LMLN: variants seen among roughly 807,000 people sequenced by gnomAD.
LMLN encodes leishmanolysin-like peptidase.
In LMLN, 70 loss-of-function variants were observed where a neutral mutation model predicts 92.3. That is an observed-to-expected ratio of 0.76 (90% CI 0.63 to 0.92). LMLN has a LOEUF of 0.92. LMLN is among the 40% of genes least tolerant of loss of function. The probability of loss-of-function intolerance (pLI) is 0.00; values close to 1 mark genes in which losing one functional copy is unlikely to be tolerated. For synonymous variants in LMLN, 308 were observed against 296.2 expected (o/e 1.04, Z -0.41); for missense variants, 691 against 814.6 (o/e 0.85, Z 1.85).
rs182473108 is a variant in LMLN at position 197,962,640 on chromosome 3, T to G, written c.219+2200T>G. ...TATCCTCACCAACAGATGTCCTTTC[T>G]AAGAAATCTTTAAATACCCCCTAGG... On this transcript the variant is annotated intron_variant, in intron 1 of 15. Transcript: ENST00000330198. 3.3e-5 allele frequency among the ~76,000 whole-genome samples: 5 copies of G among 152,346 alleles called. No homozygotes were observed. In the East Asian group the frequency reaches 9.6e-4, roughly 29 times the overall value.
At chr3:197,967,172 C>T (rs919526551) in intron 1 of LMLN, among the ~76,000 whole-genome samples, 2 of 151,960 alleles carry the variant, frequency 1.3e-5, no homozygotes, top group Non-Finnish European at 2.9e-5. Context: ...GGTTTTTTAC[C>T]AACTACCTGC....
intron 1 of LMLN, among the ~76,000 whole-genome samples, chr3:197,963,054 G>A (rs1321582070): frequency 2.6e-5 from 4 of 152,098 alleles, no homozygotes; most frequent in African/African-American, 9.7e-5. Flanking sequence ...CTCTATAGAT[G>A]ATTTGGAGAT....
Position 198,020,768 on chromosome 3 carries a change from A to ATTTTTT in LMLN, c.1366-651_1366-646dup, listed in dbSNP as rs71166715. Among the ~76,000 whole-genome samples the ATTTTTT allele has an allele frequency of 1.2e-3, 39 of 32,874 alleles. 2 individuals carry two copies. The highest frequency in any genetic ancestry group is 3.4e-3 in the East Asian group (3 of 882). The allele number at this position is 32,874 out of a possible 152,430, so 21.6% of individuals were successfully genotyped here. ...GCCACCACACCCAGCTAATTTTTGT[A>ATTTTTT]TTTTTTTTTTTTTTTTTTTTTTTTT... On this transcript the variant is annotated intron_variant, in intron 12 of 15. Coordinates refer to ENST00000330198, the Ensembl canonical transcript of LMLN.
At chr3:197,965,692 T>C (rs1721039002) in intron 1 of LMLN, among the ~76,000 whole-genome samples, 1 of 152,162 alleles carries the variant, frequency 6.6e-6, no homozygotes, top group African/African-American at 2.4e-5. Flanking sequence ...GGATGGCAAA[T>C]CGCTTGAGCT....
chr3:198,006,496 C>A lies in LMLN; in HGVS notation c.1232+7154C>A, dbSNP rs562272301. Reference sequence around the variant, plus strand: ...TTTAGTTTTGTAAGAAAATGCCAAACTTTTTAATTCCTGACAGTGACGTGT... The same window carrying A: ...TTTAGTTTTGTAAGAAAATGCCAAAATTTTTAATTCCTGACAGTGACGTGT... On this transcript the variant is annotated intron_variant, in intron 11 of 15. Coordinates refer to ENST00000330198, the Ensembl canonical transcript of LMLN. Among the ~76,000 whole-genome samples, 6 of 152,324 alleles carry A rather than the reference C, an allele frequency of 3.9e-5. No individual in the cohort carries two copies. The South Asian group carries it at 1.2e-3, about 32-fold the overall frequency.
chr3:197,975,036 T>A lies in LMLN; in HGVS notation c.318-6T>A. On this transcript the variant is annotated splice_polypyrimidine_tract_variant and splice_region_variant and intron_variant, in intron 2 of 15. Transcript: ENST00000330198. ...AATCCTTATGTTTTTATGTCATTAT[T>A]TTCAGGTTGCTCCCTGAGAAAAAGA... The A allele has an allele frequency of 6.8e-7, 1 of 1,475,524 alleles. No individual in the cohort carries two copies. Among genetic ancestry groups the A allele is most frequent in the Non-Finnish European group, 9.4e-7 (1 of 1,059,582 alleles). The allele number at this position is 1,475,524 out of a possible 1,614,324, so 91.4% of individuals were successfully genotyped here.
At chr3:197,992,425 G>T (rs1382287608) in intron 9 of LMLN, among the ~76,000 whole-genome samples, 1 of 152,122 alleles carries the variant, frequency 6.6e-6, no homozygotes, top group Non-Finnish European at 1.5e-5. Flanking sequence ...CTAAGAAGAT[G>T]CAAATAACAT....
chr3:197,996,975 T>C (rs982313640), intron 10 of LMLN, among the ~76,000 whole-genome samples: 10 of 151,916 alleles, frequency 6.6e-5, no homozygotes, highest in African/African-American at 2.4e-4. Context: ...CGTTCGTTTG[T>C]TCGTTCTTTT....
intron 5 of LMLN, among the ~76,000 whole-genome samples, chr3:197,979,544 G>A (rs905406756): frequency 1.8e-4 from 28 of 152,064 alleles, no homozygotes; most frequent in Admixed American, 8.5e-4. Flanking sequence ...TAGGCTGGGT[G>A]CAGTGGCTCA....
chr3:197,981,196 A>T (rs957363177), intron 6 of LMLN, among the ~76,000 whole-genome samples: 2 of 149,714 alleles, frequency 1.3e-5, no homozygotes, highest in Admixed American at 1.3e-4. Flanking sequence ...TCATGGTGAA[A>T]CTCTGTCTCT....
chr3:197,984,677 A>C (rs2109872381), intron 7 of LMLN, among the ~76,000 whole-genome samples: 1 of 150,184 alleles, frequency 6.7e-6, no homozygotes, highest in Non-Finnish European at 1.5e-5. Context: ...TCAAACTCCT[A>C]GGCTCAAGTG....
intron 1 of LMLN, among the ~76,000 whole-genome samples, chr3:197,962,095 G>A (rs1720919126): frequency 6.6e-6 from 1 of 151,980 alleles, no homozygotes; most frequent in East Asian, 1.9e-4. Context: ...AACATAGAAC[G>A]TTCCCACATC....
chr3:197,979,733 G>A (rs557008107), intron 5 of LMLN, among the ~76,000 whole-genome samples: 1 of 152,002 alleles, frequency 6.6e-6, no homozygotes, highest in African/African-American at 2.4e-5. Flanking sequence ...GGAGAGAGCC[G>A]AGATCACGCC....
chr3:198,007,124 C>G (rs1722316176), intron 11 of LMLN, among the ~76,000 whole-genome samples: 1 of 152,156 alleles, frequency 6.6e-6, no homozygotes, highest in Non-Finnish European at 1.5e-5. Flanking sequence ...TATTTTCTCC[C>G]AGTACATAGC....
intron 11 of LMLN, among the ~76,000 whole-genome samples, chr3:198,015,058 C>G (rs540563123): frequency 2.2e-4 from 33 of 147,576 alleles, no homozygotes; most frequent in African/African-American, 7.1e-4. Context: ...TCTCTCCACC[C>G]TTCAGAGCCT....
exon 16 of LMLN, chr3:198,039,080 ACACCTTCATCTGCAACCCAAC>A (rs796271979): frequency 0.028 from 4,852 of 174,588 alleles, 241 homozygotes; most frequent in African/African-American, 0.11. Context: ...CAGCAACTCA[ACACCTTCATCTGCAACCCAAC>A]CACCTTCATC....
chr3:197,990,143 G>C (rs1381652518), intron 8 of LMLN, among the ~76,000 whole-genome samples: 1 of 152,064 alleles, frequency 6.6e-6, no homozygotes, highest in Non-Finnish European at 1.5e-5. Flanking sequence ...GCTTACTGCA[G>C]CGTCAACCTC....
chr3:197,989,709 T>C (rs1721810906), intron 8 of LMLN, among the ~76,000 whole-genome samples: 1 of 152,100 alleles, frequency 6.6e-6, no homozygotes, highest in South Asian at 2.1e-4. Context: ...CATAGGGTTG[T>C]TGAAAAGATG....
At chr3:197,974,258 G>A in intron 1 of LMLN, 119 bp from the exon 2 acceptor site, 1 of 628,446 alleles carries the variant, frequency 1.6e-6, no homozygotes, top group Non-Finnish European at 2.8e-6. Flanking sequence ...TGGAATATGG[G>A]TCACAGAACT....
Sources: gnomAD v4.1 joint callset for allele counts (sites outside exome capture counted in the v4.1 genomes callset) on GRCh38, gnomAD v4.1.1 for gene constraint, MANE v1.5 for transcripts, NCBI Gene and HGNC (gene_info 2026-07-23, HGNC 2026-07-21) for gene names.